FARSB: variants seen among roughly 807,000 people sequenced by gnomAD.
The protein encoded by FARSB is phenylalanine--tRNA ligase beta subunit.
Under a neutral mutation model 69.6 loss-of-function variants are expected in FARSB, and 40 were observed. The observed-to-expected ratio is 0.57, with a 90% CI of 0.45 to 0.75. The LOEUF is 0.75. Ranked by LOEUF, FARSB falls within the 30% of genes least tolerant of loss-of-function variation. The probability of loss-of-function intolerance (pLI) is 0.00; values close to 1 mark genes in which losing one functional copy is unlikely to be tolerated. For synonymous variants in FARSB, 235 were observed against 247.2 expected (o/e 0.95, Z 0.46); for missense variants, 632 against 722.9 (o/e 0.87, Z 1.44).
chr2:222,586,409 C>T (rs1690114507), intron 16 of FARSB, among the ~76,000 whole-genome samples: 2 of 152,110 alleles, frequency 1.3e-5, no homozygotes, highest in Admixed American at 6.5e-5. Flanking sequence ...CAAAAACATA[C>T]CAAATTGTAA....
chr2:222,599,976 C>T lies in FARSB; in HGVS notation c.1570G>A (p.Val524Met). The change falls in exon 16 of 17, where the codon GTG becomes ATG. Residue 524 changes from valine (V) to methionine (M), a missense_variant. Coordinates refer to ENST00000281828, the MANE Select transcript of FARSB (RefSeq NM_005687.5). ...CCCCCCTTGTCTTCACCAGGAGGCA[C>T]ATCGAGCAACTGCATAATTCTGTCC... The part of the protein sequence containing the change: ...LLDRIMQLLD[V>M]PPGEDKGGYV... The T allele has an allele frequency of 6.2e-7, 1 of 1,610,262 alleles. No homozygotes were observed. Among genetic ancestry groups the T allele is most frequent in the Middle Eastern group, 1.7e-4 (1 of 6,054 alleles).
intron 1 of FARSB, among the ~76,000 whole-genome samples, chr2:222,655,347 T>C (rs986149802): frequency 2.0e-5 from 3 of 152,208 alleles, no homozygotes; most frequent in Non-Finnish European, 4.4e-5. Context: ...ACCCATTTAA[T>C]ACTCCCCATT....
chr2:222,571,855 C>T lies in FARSB; in HGVS notation c.*16G>A, dbSNP rs1239728798. ...AGGGACACCTGGGAAGAGAATCACA[C>T]CACAGAGACCAATCTTCACAAAAAG... On this transcript the variant is annotated 3_prime_UTR_variant, in exon 17 of 17. Coordinates refer to ENST00000281828, the MANE Select transcript of FARSB (RefSeq NM_005687.5). The T allele has an allele frequency of 1.9e-6, 3 of 1,607,732 alleles. No individual in the cohort carries two copies. Among genetic ancestry groups the T allele is most frequent in the Non-Finnish European group, 2.6e-6 (3 of 1,176,460 alleles).
chr2:222,574,508 T>A (rs1388014279), intron 16 of FARSB, among the ~76,000 whole-genome samples: 1 of 152,182 alleles, frequency 6.6e-6, no homozygotes, highest in Non-Finnish European at 1.5e-5. Context: ...CCAATGGAGC[T>A]GACAGCACAT....
At chr2:222,636,450 T>C (rs1691584996) in intron 5 of FARSB, among the ~76,000 whole-genome samples, 1 of 150,890 alleles carries the variant, frequency 6.6e-6, no homozygotes, top group African/African-American at 2.4e-5. Flanking sequence ...CACCACTTCT[T>C]AAGTAGGTCA....
intron 15 of FARSB, among the ~76,000 whole-genome samples, chr2:222,611,249 A>C (rs1690841018): frequency 6.6e-6 from 1 of 152,134 alleles, no homozygotes; most frequent in South Asian, 2.1e-4. Context: ...GAAATGAATC[A>C]ATGGAGAAAA....
At chr2:222,586,987 C>G (rs938722333) in intron 16 of FARSB, among the ~76,000 whole-genome samples, 1 of 152,240 alleles carries the variant, frequency 6.6e-6, no homozygotes, top group African/African-American at 2.4e-5. Context: ...GACTTGAACT[C>G]AGCTCTGCAC....
chr2:222,618,807 T>A (rs1691062097), intron 14 of FARSB, among the ~76,000 whole-genome samples: 3 of 152,136 alleles, frequency 2.0e-5, no homozygotes, highest in Non-Finnish European at 2.9e-5. Context: ...ACGAAGGAAC[T>A]GGGAACAGGT....
In FARSB at chr2:222,624,476, T is replaced by C; in HGVS notation, c.966A>G (p.Glu322=). 1.9e-6 allele frequency: 3 copies of C among 1,605,518 alleles called. No individual in the cohort carries two copies. Among genetic ancestry groups the C allele is most frequent in the Non-Finnish European group, 2.6e-6 (3 of 1,172,296 alleles). The change falls in exon 12 of 17, where the codon GAA becomes GAG. Residue 322 remains glutamate, a synonymous_variant. Coordinates refer to ENST00000281828, the MANE Select transcript of FARSB (RefSeq NM_005687.5). The stretch of plus-strand genomic sequence containing the variant: ...GAAGTTTGGCAAGATTTTCTGGAGT[T>C]TCTCTGAAAAAGGAATGAACAAACC... ...DLINKKVGIR[E]TPENLAKLLT... is the part of the protein sequence containing the mutation.
At chr2:222,604,821 C>T (rs1345212669) in intron 15 of FARSB, among the ~76,000 whole-genome samples, 1 of 150,078 alleles carries the variant, frequency 6.7e-6, no homozygotes, top group African/African-American at 2.5e-5. Flanking sequence ...AATCTGCCTG[C>T]CTCAGCCTCC....
At chr2:222,653,241 A>G (rs1441424987) in intron 1 of FARSB, among the ~76,000 whole-genome samples, 1 of 152,256 alleles carries the variant, frequency 6.6e-6, no homozygotes, top group Non-Finnish European at 1.5e-5. Context: ...AATAACCAAA[A>G]TGGCAAACAG....
chr2:222,621,357 C>T (rs922261209), intron 13 of FARSB, among the ~76,000 whole-genome samples: 6 of 152,088 alleles, frequency 3.9e-5, no homozygotes, highest in Admixed American at 6.6e-5. Context: ...GGTGCAATCT[C>T]GGCTTGCTGC....
At chr2:222,584,748 A>C (rs1690063791) in intron 16 of FARSB, among the ~76,000 whole-genome samples, 1 of 152,158 alleles carries the variant, frequency 6.6e-6, no homozygotes, top group African/African-American at 2.4e-5. Flanking sequence ...CACTGCTAGC[A>C]CAGCAGTCCC....
chr2:222,579,145 A>G (rs1434639721), intron 16 of FARSB, among the ~76,000 whole-genome samples: 3 of 152,214 alleles, frequency 2.0e-5, no homozygotes, highest in African/African-American at 7.2e-5. Context: ...GGCTTGCCCT[A>G]GGCAAGCAAT....
In FARSB at chr2:222,569,091, G is replaced by C. The variant is rs1008358907; in HGVS notation, c.*2780C>G. The C allele has an allele frequency of 1.3e-5, 2 of 152,180 alleles. No homozygotes were observed. Among genetic ancestry groups the C allele is most frequent in the Non-Finnish European group, 2.9e-5 (2 of 68,032 alleles). 9.4% of individuals were successfully genotyped at this position (152,180 alleles called of 1,614,324 possible). A position where few individuals can be genotyped will look rare whatever the true frequency, so the allele number is the denominator to read the frequency against. ...AAGTGTAAGATGATCTGGCTGCAGA[G>C]CCTCGACTCATGAGCTGGATTCGCT... On this transcript the variant is annotated 3_prime_UTR_variant, in exon 17 of 17. Transcript: ENST00000281828.
intron 14 of FARSB, among the ~76,000 whole-genome samples, chr2:222,614,733 G>A (rs1315629418): frequency 2.0e-5 from 3 of 152,118 alleles, no homozygotes; most frequent in Non-Finnish European, 2.9e-5. Flanking sequence ...TCAGCTACTC[G>A]GGAGGCTGAG....
chr2:222,640,754 T>G lies in FARSB; in HGVS notation c.339+108A>C, dbSNP rs114075259. 1,730 of 638,066 alleles carry G rather than the reference T, an allele frequency of 2.7e-3. 29 individuals are homozygous for G. The African/African-American group carries it at 0.03, about 11-fold the overall frequency. 39.5% of individuals were successfully genotyped at this position (638,066 alleles called of 1,614,324 possible). A position where few individuals can be genotyped will look rare whatever the true frequency, so the allele number is the denominator to read the frequency against. On this transcript the variant is annotated intron_variant, in intron 4 of 16. Transcript: ENST00000281828. ...CTGGGCAAAAGAGCCAGACCCTGTC[T>G]CAAAACAAAAAAAAAAGAGTAAGCT...
In FARSB at chr2:222,568,092, G is replaced by A. The variant is rs183404904; in HGVS notation, c.*3779C>T. 1.3e-5 allele frequency: 2 copies of A among 151,844 alleles called. No individual in the cohort carries two copies. The highest frequency in any genetic ancestry group is 3.8e-4 in the East Asian group (2 of 5,200). 9.4% of individuals were successfully genotyped at this position (151,844 alleles called of 1,614,324 possible). On this transcript the variant is annotated 3_prime_UTR_variant, in exon 17 of 17. Transcript: ENST00000281828. The surrounding 1 kb of genome is among the most constrained non-coding windows in gnomAD (Gnocchi z 4.3). ...GCATGACCCCCAAAAATGTGAGCAG[G>A]TGTGTGTGGCTGACTGTACAAATCA...
chr2:222,600,203 A>G (rs1690525726), intron 15 of FARSB, 120 bp from the exon 16 acceptor site: 3 of 751,536 alleles, frequency 4.0e-6, no homozygotes, highest in South Asian at 3.9e-5. Context: ...AAACATTCAG[A>G]GAAGGATTCA....
Sources: gnomAD v4.1 joint callset for allele counts (sites outside exome capture counted in the v4.1 genomes callset) on GRCh38, gnomAD v4.1.1 for gene constraint, Gnocchi (gnomAD v3.1) non-coding constraint, MANE v1.5 for transcripts, NCBI Gene and HGNC (gene_info 2026-07-23, HGNC 2026-07-21) for gene names.